The following SPTBN1 variants were observed in gnomAD, a reference collection of about 807,000 sequenced individuals.
SPTBN1 encodes spectrin beta, non-erythrocytic 1, also known as spectrin beta chain, non-erythrocytic 1.
A neutral mutation model predicts 266.4 loss-of-function variants in SPTBN1; 32 were observed. The observed-to-expected ratio is 0.12, with a 90% CI of 0.09 to 0.16. The LOEUF is 0.16. Among genes scored for constraint, SPTBN1 ranks in the 10% least tolerant of loss-of-function variants. The pLI, the probability that SPTBN1 is intolerant of heterozygous loss-of-function variation, is 1.00. For synonymous variants in SPTBN1, 1,336 were observed against 1,162.2 expected (o/e 1.15, Z -3.04); for missense variants, 2,296 against 3,067.1 (o/e 0.75, Z 5.94).
chr2:54,545,177 T>C lies in SPTBN1; in HGVS notation c.148+18611T>C, dbSNP rs1357201193. Among the ~76,000 whole-genome samples the C allele has an allele frequency of 4.6e-5, 7 of 152,356 alleles. No homozygotes were observed. The East Asian group carries it at 1.2e-3, about 25-fold the overall frequency. ...ACATTTTCTTTATCCAATGTATCAT[T>C]AATGGGCATTTGGGTTGGTTCCAAG... is the stretch of plus-strand genomic sequence containing the variant. On this transcript the variant is annotated intron_variant, in intron 2 of 35. Transcript: ENST00000356805.
At chr2:54,612,679 A>G (rs1031340182) in intron 4 of SPTBN1, among the ~76,000 whole-genome samples, 4 of 152,184 alleles carry the variant, frequency 2.6e-5, no homozygotes, top group Non-Finnish European at 5.9e-5. Context: ...GAGCAAAGGT[A>G]TAAGGACGTG....
At chr2:54,534,033 G>A (rs553698144) in intron 2 of SPTBN1, among the ~76,000 whole-genome samples, 1 of 152,262 alleles carries the variant, frequency 6.6e-6, no homozygotes, top group African/African-American at 2.4e-5. Flanking sequence ...CCTGAGTCTC[G>A]TCGTGGCTGC....
intron 2 of SPTBN1, among the ~76,000 whole-genome samples, chr2:54,566,830 C>G (rs1429341858): frequency 7.0e-6 from 1 of 142,864 alleles, no homozygotes; most frequent in Non-Finnish European, 1.5e-5. Flanking sequence ...GACTCCATCT[C>G]AAAAAAAAAA....
intron 3 of SPTBN1, among the ~76,000 whole-genome samples, chr2:54,609,601 C>T (rs115216417): frequency 6.6e-6 from 1 of 152,108 alleles, no homozygotes; most frequent in South Asian, 2.1e-4. Context: ...ATGAGCGTTA[C>T]AAGTCCTTAT....
intron 1 of SPTBN1, among the ~76,000 whole-genome samples, chr2:54,517,910 C>G (rs1670205817): frequency 6.6e-6 from 1 of 150,944 alleles, no homozygotes; most frequent in Non-Finnish European, 1.5e-5. Context: ...TCCCAAAGTG[C>G]TGGGATTACA....
intron 2 of SPTBN1, among the ~76,000 whole-genome samples, chr2:54,534,162 G>C (rs967395265): frequency 8.5e-5 from 13 of 152,154 alleles, no homozygotes; most frequent in Non-Finnish European, 1.5e-5. Context: ...TCTCACGCCT[G>C]GACTCATTGT....
intron 4 of SPTBN1, among the ~76,000 whole-genome samples, chr2:54,615,416 TA>T (rs1677534305): frequency 6.6e-6 from 1 of 152,254 alleles, no homozygotes; most frequent in Non-Finnish European, 1.5e-5. Flanking sequence ...GAAACTTTCA[TA>T]TAATAGACAA....
intron 2 of SPTBN1, among the ~76,000 whole-genome samples, chr2:54,581,526 C>A (rs1342555430): frequency 2.0e-5 from 3 of 151,234 alleles, no homozygotes; most frequent in African/African-American, 7.3e-5. Flanking sequence ...GGCAGGCAAG[C>A]CGACCCTTGG....
At chr2:54,552,934 T>C (rs1454218139) in intron 2 of SPTBN1, among the ~76,000 whole-genome samples, 1 of 152,216 alleles carries the variant, frequency 6.6e-6, no homozygotes, top group African/African-American at 2.4e-5. Context: ...GCCCAGGCCA[T>C]GGGCCTTGAG....
intron 2 of SPTBN1, among the ~76,000 whole-genome samples, chr2:54,561,175 C>CA (rs1428833735): frequency 6.6e-6 from 1 of 152,186 alleles, no homozygotes; most frequent in African/African-American, 2.4e-5. Flanking sequence ...GACAGAGTCT[C>CA]ACGCTGTTGC....
Position 54,622,485 on chromosome 2 carries a change from C to A in SPTBN1, c.1062C>A (p.Pro354=). Residue 354 remains proline, a splice_region_variant and synonymous_variant, in exon 9 of 36, where the codon CCC becomes CCA. Coordinates refer to ENST00000356805, the MANE Select transcript of SPTBN1 (RefSeq NM_003128.3). ...FNTYRTVEKP[P]KFTEKGNLEV... is the part of the protein sequence containing the mutation. ...CTTACCGCACTGTGGAGAAACCACCCAAGTAAGATGCATATTGTAGTGTGA... is the reference window on the plus strand; with the variant it reads ...CTTACCGCACTGTGGAGAAACCACCAAAGTAAGATGCATATTGTAGTGTGA... The A allele has an allele frequency of 6.2e-7, 1 of 1,613,744 alleles. No individual in the cohort carries two copies. Among genetic ancestry groups the A allele is most frequent in the South Asian group, 1.1e-5 (1 of 90,990 alleles).
At chr2:54,648,764 AGTTTACATATTGGCTCTTTT>A (rs1194963858) in intron 24 of SPTBN1, among the ~76,000 whole-genome samples, 11 of 152,174 alleles carry the variant, frequency 7.2e-5, no homozygotes, top group Admixed American at 2.0e-4. Flanking sequence ...AGGTGAATGT[AGTTTACATATTGGCTCTTTT>A]GTTTACATAT....
Position 54,628,659 on chromosome 2 carries a change from G to A in SPTBN1, c.1799-274G>A, listed in dbSNP as rs890733615. On this transcript the variant is annotated intron_variant, in intron 13 of 35. Coordinates refer to ENST00000356805, the MANE Select transcript of SPTBN1 (RefSeq NM_003128.3). The surrounding 1 kb of genome is among the most constrained non-coding windows in gnomAD (Gnocchi z 4.3). Reference sequence around the variant, plus strand: ...TTTCTAGAAACAATTATATGCAGCTGCCTTTTTCATATGATTCAAGTGCTT... The same window carrying A: ...TTTCTAGAAACAATTATATGCAGCTACCTTTTTCATATGATTCAAGTGCTT... Among the ~76,000 whole-genome samples the A allele has an allele frequency of 6.6e-6, 1 of 152,166 alleles. No homozygotes were observed. Among genetic ancestry groups the A allele is most frequent in the Non-Finnish European group, 1.5e-5 (1 of 68,030 alleles).
At chr2:54,539,406 G>A (rs1425681420) in intron 2 of SPTBN1, among the ~76,000 whole-genome samples, 1 of 152,144 alleles carries the variant, frequency 6.6e-6, no homozygotes, top group Non-Finnish European at 1.5e-5. Context: ...ACATTACAGT[G>A]CATGCATTGC....
Position 54,632,566 on chromosome 2 carries a change from G to C in SPTBN1, c.3565G>C (p.Glu1189Gln). The C allele has an allele frequency of 6.2e-7, 1 of 1,614,156 alleles. No homozygotes were observed. Among genetic ancestry groups the C allele is most frequent in the Non-Finnish European group, 8.5e-7 (1 of 1,179,998 alleles). The change falls in exon 17 of 36, where the codon GAG (glutamate) becomes CAG (glutamine). Residue 1189 changes from glutamate (E) to glutamine (Q), a missense_variant and splice_region_variant. Glu to Gln is a conservative substitution (Grantham distance 29). This residue lies in a region of SPTBN1 where 386 missense variants were observed against 486.1 expected (regional missense o/e 0.79). Transcript: ENST00000356805. The stretch of plus-strand genomic sequence containing the variant: ...TGATTTGTTCCTCTTTTTAAATAAG[G>C]AGTATGTTCTGGCTCACACTGAAAT... ...KQAEAFLNNQEYVLAHTEMPT... is the reference protein window; with the variant it reads ...KQAEAFLNNQQYVLAHTEMPT...
rs1274421024 is a variant in SPTBN1, at chr2:54,558,088, T to G, written c.148+31522T>G. 7 of 985,282 alleles carry G rather than the reference T, an allele frequency of 7.1e-6. No individual in the cohort carries two copies. The highest frequency in any genetic ancestry group is 5.2e-4 in the Middle Eastern group (1 of 1,934). 61.0% of individuals were successfully genotyped at this position (985,282 alleles called of 1,614,324 possible). On this transcript the variant is annotated intron_variant, in intron 2 of 35. Coordinates refer to ENST00000356805, the MANE Select transcript of SPTBN1 (RefSeq NM_003128.3). The surrounding 1 kb of genome is among the most constrained non-coding windows in gnomAD (Gnocchi z 4.6). The stretch of plus-strand genomic sequence containing the variant: ...TTTCAAGTGATAGTAATCGGAGACT[T>G]TTCCGTTACATGAGGCTCAACAAAA...
Position 54,629,107 on chromosome 2 carries a change from A to G in SPTBN1, c.1973A>G (p.Glu658Gly), listed in dbSNP as rs1396051517. The change falls in exon 14 of 36, where the codon GAG becomes GGG. Residue 658 changes from glutamate to glycine, a missense_variant. Around this residue, in one of 12 missense-constraint regions of SPTBN1, gnomAD observed 434 missense variants for 573.9 expected, o/e 0.76. Transcript: ENST00000356805. ...GAGGAAGGCTGGATACGGGAGAAGG[A>G]GAAGATCCTGTCCTCGGACGATTAC... ...AEEEGWIREK[E>G]KILSSDDYGK... The G allele has an allele frequency of 6.2e-7, 1 of 1,613,598 alleles. No individual in the cohort carries two copies. Among genetic ancestry groups the G allele is most frequent in the African/African-American group, 1.3e-5 (1 of 74,946 alleles).
Position 54,653,449 on chromosome 2 carries a change from C to G in SPTBN1, c.5578-160C>G, listed in dbSNP as rs1363440687. On this transcript the variant is annotated intron_variant, in intron 26 of 35. Transcript: ENST00000356805. The surrounding 1 kb of genome is among the most constrained non-coding windows in gnomAD (Gnocchi z 5.1). The stretch of plus-strand genomic sequence containing the variant: ...ATTTATAGAAAACGGGTTTTTGTGA[C>G]TTGGATCTCCCCAGTGAAATTGAGG... 11 of 1,187,032 alleles carry G rather than the reference C, an allele frequency of 9.3e-6. No homozygotes were observed. In the East Asian group the frequency reaches 2.8e-4, roughly 30 times the overall value. The allele number at this position is 1,187,032 out of a possible 1,614,324, so 73.5% of individuals were successfully genotyped here. A position where few individuals can be genotyped will look rare whatever the true frequency, so the allele number is the denominator to read the frequency against.
At chr2:54,610,215 C>G (rs1266356849) in intron 3 of SPTBN1, among the ~76,000 whole-genome samples, 1 of 152,198 alleles carries the variant, frequency 6.6e-6, no homozygotes, top group Non-Finnish European at 1.5e-5. Flanking sequence ...CTCTGTGAAC[C>G]TTTCCTGGTT....
Sources: gnomAD v4.1 joint callset for allele counts (sites outside exome capture counted in the v4.1 genomes callset) on GRCh38, gnomAD v4.1.1 for gene constraint, gnomAD v4.1.1 regional missense constraint, Gnocchi (gnomAD v3.1) non-coding constraint, MANE v1.5 for transcripts, NCBI Gene and HGNC (gene_info 2026-07-23, HGNC 2026-07-21) for gene names.